The following NTF3 variants were observed in gnomAD, a reference collection of about 807,000 sequenced individuals.
The protein encoded by NTF3 is neurotrophin-3.
In NTF3, 8 loss-of-function variants were observed where a neutral mutation model predicts 26.3. The observed-to-expected ratio is 0.30, with a 90% CI of 0.18 to 0.55. The LOEUF (loss-of-function observed/expected upper bound fraction) is 0.55, where lower values mean the gene tolerates loss of function less well. Among genes scored for constraint, NTF3 ranks in the 20% least tolerant of loss-of-function variants. NTF3 has a pLI of 0.93. For synonymous variants in NTF3, 154 were observed against 145.5 expected (o/e 1.06, Z -0.42); for missense variants, 276 against 352.9 (o/e 0.78, Z 1.75).
At chr12:5,468,102 C>T (rs1940615631) in intron 1 of NTF3, among the ~76,000 whole-genome samples, 1 of 152,160 alleles carries the variant, frequency 6.6e-6, no homozygotes, top group Non-Finnish European at 1.5e-5. Context: ...TTTCAATCAA[C>T]ATAATCACAG....
rs770478362 is a variant in NTF3 at position 5,494,883 on chromosome 12, C to T, written c.708C>T (p.Tyr236=). ...CTCAGTGCAAAACATCCCAAACCTA[C>T]GTCCGAGCACTGACTTCAGAGAACA... is the stretch of plus-strand genomic sequence containing the variant. The part of the protein sequence containing the change: ...WNSQCKTSQT[Y]VRALTSENNK... Residue 236 remains tyrosine, a synonymous_variant, in exon 2 of 2, where the codon TAC becomes TAT. Coordinates refer to ENST00000423158, the MANE Select transcript of NTF3 (RefSeq NM_001102654.2). This position sits in a 1 kb window ranked among gnomAD's most constrained non-coding sequence, Gnocchi z 8.3. 35 of 1,614,040 alleles carry T rather than the reference C, an allele frequency of 2.2e-5. No homozygotes were observed. Among genetic ancestry groups the T allele is most frequent in the Non-Finnish European group, 2.7e-5 (32 of 1,180,040 alleles).
At chr12:5,448,546 C>T (rs900026298) in intron 1 of NTF3, among the ~76,000 whole-genome samples, 1 of 152,112 alleles carries the variant, frequency 6.6e-6, no homozygotes, top group Non-Finnish European at 1.5e-5. Flanking sequence ...TGAAAGTCCC[C>T]CTTCTTATTG....
chr12:5,485,026 C>T (rs1043551117), intron 1 of NTF3, among the ~76,000 whole-genome samples: 4 of 152,230 alleles, frequency 2.6e-5, no homozygotes, highest in African/African-American at 9.6e-5. Flanking sequence ...ACCTTCAACG[C>T]TCCAGCCATT....
intron 1 of NTF3, among the ~76,000 whole-genome samples, chr12:5,470,225 C>G (rs1385966189): frequency 6.6e-6 from 1 of 152,156 alleles, no homozygotes; most frequent in African/African-American, 2.4e-5. Flanking sequence ...CGCTCGGCCT[C>G]CTGAGCTCAT....
chr12:5,484,717 A>G (rs918531871), intron 1 of NTF3, among the ~76,000 whole-genome samples: 1 of 152,146 alleles, frequency 6.6e-6, no homozygotes, highest in Admixed American at 6.5e-5. Context: ...GACTGGGGTC[A>G]CGATGGATAT....
intron 1 of NTF3, among the ~76,000 whole-genome samples, chr12:5,438,676 C>A (rs1166492796): frequency 1.3e-5 from 2 of 152,332 alleles, no homozygotes; most frequent in East Asian, 3.9e-4. Context: ...GCCAGGGTGA[C>A]CTTCAGTAGC....
At chr12:5,447,109 C>G (rs1591593502) in intron 1 of NTF3, among the ~76,000 whole-genome samples, 1 of 152,206 alleles carries the variant, frequency 6.6e-6, no homozygotes, top group Non-Finnish European at 1.5e-5. Flanking sequence ...GTAAGTCTCT[C>G]TTGGCTGTGT....
rs146405509 is a variant in NTF3 at position 5,442,381 on chromosome 12, G to C, written c.18+10039G>C. ...TGTGATGGGAGCCCTTGGTCCTTGT[G>C]GGGAGAGTCGGGGGAACACGCATGT... On this transcript the variant is annotated intron_variant, in intron 1 of 1. Transcript: ENST00000423158. Among the ~76,000 whole-genome samples, 62 of 152,262 alleles carry C rather than the reference G, an allele frequency of 4.1e-4. 1 individual carries two copies. In the East Asian group the frequency reaches 0.01, roughly 25 times the overall value.
chr12:5,446,445 C>T (rs150440049), intron 1 of NTF3, among the ~76,000 whole-genome samples: 1 of 152,248 alleles, frequency 6.6e-6, no homozygotes, highest in African/African-American at 2.4e-5. Context: ...GCGCCTATCC[C>T]CTCTGTTCTG....
intron 1 of NTF3, among the ~76,000 whole-genome samples, chr12:5,485,486 C>T (rs951194014): frequency 2.6e-5 from 4 of 152,142 alleles, no homozygotes; most frequent in Admixed American, 6.5e-5. Flanking sequence ...CCTCAGTTTC[C>T]TTGGCTGAAA....
At position 5,456,020 on chromosome 12, in the gene NTF3, T is replaced by C. The variant is rs143406278; in HGVS notation, c.18+23678T>C. 6.6e-6 allele frequency among the ~76,000 whole-genome samples: 1 copy of C among 152,240 alleles called. No individual in the cohort carries two copies. The highest frequency in any genetic ancestry group is 2.4e-5 in the African/African-American group (1 of 41,558). On this transcript the variant is annotated intron_variant, in intron 1 of 1. Transcript: ENST00000423158. The surrounding 1 kb of genome is among the most constrained non-coding windows in gnomAD (Gnocchi z 4.4). ...CCACTAGAGAAAAAGGAGGGCATGT[T>C]TGGGGCAGGAGAGGCAAATGTTTGC... is the stretch of plus-strand genomic sequence containing the variant.
At chr12:5,492,116 T>G (rs1940945560) in intron 1 of NTF3, among the ~76,000 whole-genome samples, 1 of 152,154 alleles carries the variant, frequency 6.6e-6, no homozygotes, top group South Asian at 2.1e-4. Flanking sequence ...CTAATAAACT[T>G]TGGTTCCATA....
At chr12:5,461,905 A>T (rs1234561112) in intron 1 of NTF3, among the ~76,000 whole-genome samples, 5 of 152,216 alleles carry the variant, frequency 3.3e-5, no homozygotes, top group Non-Finnish European at 4.4e-5. Flanking sequence ...AACTCGTAAG[A>T]CTTGGAAAAG....
chr12:5,452,956 G>A (rs77424168), intron 1 of NTF3, among the ~76,000 whole-genome samples: 12,870 of 152,240 alleles, frequency 0.085, 515 homozygotes, highest in Middle Eastern at 0.13. Flanking sequence ...GGCAGAAGCC[G>A]GGCTGACTTG....
intron 1 of NTF3, among the ~76,000 whole-genome samples, chr12:5,457,763 C>T (rs1940470235): frequency 1.3e-5 from 2 of 152,196 alleles, no homozygotes; most frequent in South Asian, 4.2e-4. Context: ...TTCCCAACTC[C>T]AGTGAGTCTT....
At chr12:5,432,485 C>G in intron 1 of NTF3, 143 bp downstream of exon 1, 7 of 945,540 alleles carry the variant, frequency 7.4e-6, no homozygotes, top group Non-Finnish European at 7.8e-6. Flanking sequence ...ACTCACTTTC[C>G]CGGGCTTGTG....
chr12:5,443,750 C>T (rs1158397640), intron 1 of NTF3, among the ~76,000 whole-genome samples: 1 of 152,128 alleles, frequency 6.6e-6, no homozygotes, highest in East Asian at 1.9e-4. Flanking sequence ...AGCTCTTTTA[C>T]TCCTTGTCTC....
intron 1 of NTF3, among the ~76,000 whole-genome samples, chr12:5,455,995 C>A (rs900615179): frequency 9.2e-5 from 14 of 152,100 alleles, no homozygotes; most frequent in Admixed American, 7.2e-4. Flanking sequence ...GCTGTGCGGG[C>A]CACTAGAGAA....
At chr12:5,447,986 G>A (rs1398900980) in intron 1 of NTF3, among the ~76,000 whole-genome samples, 4 of 152,204 alleles carry the variant, frequency 2.6e-5, no homozygotes, top group African/African-American at 9.6e-5. Flanking sequence ...TAAAAATGGT[G>A]TCCAGGAAAC....
Sources: allele counts gnomAD v4.1 joint callset (sites outside exome capture counted in the v4.1 genomes callset), GRCh38; gene constraint gnomAD v4.1.1; non-coding constraint Gnocchi (gnomAD v3.1); transcripts MANE v1.5; gene names NCBI Gene and HGNC (gene_info 2026-07-23, HGNC 2026-07-21).